Variants in ELAPOR2 observed in about 807,000 individuals in gnomAD.
The protein encoded by ELAPOR2 is endosome/lysosome-associated apoptosis and autophagy regulator family member 2.
ELAPOR2 carries 89 observed loss-of-function variants against 120.7 expected under a neutral mutation model. The ratio of observed to expected loss-of-function variants is 0.74; its 90% CI spans 0.62 to 0.88. The LOEUF is 0.88. Ranked by LOEUF, ELAPOR2 falls within the 40% of genes least tolerant of loss-of-function variation. The probability of loss-of-function intolerance (pLI) is 0.00; values close to 1 mark genes in which losing one functional copy is unlikely to be tolerated. For synonymous variants in ELAPOR2, 444 were observed against 444.9 expected, an observed-to-expected ratio of 1.00 and a Z score of 0.03; for missense variants, 1,134 against 1,251.6, an observed-to-expected ratio of 0.91 and a Z score of 1.42.
At chr7:86,988,510 G>A (rs1330831720) in intron 1 of ELAPOR2, among the ~76,000 whole-genome samples, 1 of 152,128 alleles carries the variant, frequency 6.6e-6, no homozygotes, top group East Asian at 1.9e-4. Context: ...TAGGTTACAT[G>A]CAAATACTAT....
chr7:86,922,085 A>G (rs17608771), intron 10 of ELAPOR2, among the ~76,000 whole-genome samples: 9,945 of 152,180 alleles, frequency 0.065, 481 homozygotes, highest in Middle Eastern at 0.11. Context: ...CAAAGTCAGT[A>G]GAAAACCTAG....
intron 1 of ELAPOR2, among the ~76,000 whole-genome samples, chr7:87,042,362 T>G (rs199960078): frequency 0.017 from 2,581 of 150,270 alleles, 106 homozygotes; most frequent in African/African-American, 0.056. Flanking sequence ...TACTTGGAAG[T>G]AAAGCTCTCC....
At chr7:87,026,255 C>T (rs1794240182) in intron 1 of ELAPOR2, among the ~76,000 whole-genome samples, 1 of 151,958 alleles carries the variant, frequency 6.6e-6, no homozygotes, top group Non-Finnish European at 1.5e-5. Flanking sequence ...TGGACATAAA[C>T]CTATCATTAA....
chr7:86,913,422 G>A (rs960232445), intron 13 of ELAPOR2, among the ~76,000 whole-genome samples: 12 of 152,092 alleles, frequency 7.9e-5, no homozygotes, highest in African/African-American at 2.9e-4. Context: ...ATAGTTCCAG[G>A]AGTTTTGCCA....
intron 2 of ELAPOR2, among the ~76,000 whole-genome samples, chr7:86,952,526 A>C (rs904167378): frequency 6.6e-6 from 1 of 152,190 alleles, no homozygotes; most frequent in Non-Finnish European, 1.5e-5. Flanking sequence ...CTTCATTCCT[A>C]TCCTGAACTG....
At chr7:87,007,164 T>C (rs1393662303) in intron 1 of ELAPOR2, among the ~76,000 whole-genome samples, 1 of 152,164 alleles carries the variant, frequency 6.6e-6, no homozygotes, top group East Asian at 1.9e-4. Flanking sequence ...AACTGTACAC[T>C]TAACATTTGT....
chr7:87,047,155 C>T (rs924921581), intron 1 of ELAPOR2, among the ~76,000 whole-genome samples: 3 of 152,124 alleles, frequency 2.0e-5, no homozygotes, highest in Non-Finnish European at 4.4e-5. Flanking sequence ...ATAAAACTGA[C>T]CTTGATCTCC....
chr7:87,028,631 C>T (rs578105958), intron 1 of ELAPOR2, among the ~76,000 whole-genome samples: 1 of 152,146 alleles, frequency 6.6e-6, no homozygotes, highest in Non-Finnish European at 1.5e-5. Context: ...CCCATATTTT[C>T]GTAATATCCT....
chr7:86,913,864 C>T (rs914359295), intron 13 of ELAPOR2, among the ~76,000 whole-genome samples: 8 of 152,188 alleles, frequency 5.3e-5, no homozygotes, highest in Admixed American at 2.6e-4. Flanking sequence ...GTCACTCTAT[C>T]GGTACAGAGC....
At chr7:86,883,981 A>C (rs1252134621) in intron 21 of ELAPOR2, among the ~76,000 whole-genome samples, 1 of 152,200 alleles carries the variant, frequency 6.6e-6, no homozygotes, top group Non-Finnish European at 1.5e-5. Flanking sequence ...TTTGAAACCG[A>C]ACAACAGAAA....
At chr7:87,054,019 A>G (rs1170692107) in intron 1 of ELAPOR2, among the ~76,000 whole-genome samples, 2 of 152,224 alleles carry the variant, frequency 1.3e-5, no homozygotes, top group African/African-American at 2.4e-5. Flanking sequence ...TCCATGGAGC[A>G]GGGGCCTATG....
intron 2 of ELAPOR2, among the ~76,000 whole-genome samples, chr7:86,949,267 C>T (rs1791134568): frequency 1.3e-5 from 2 of 152,192 alleles, no homozygotes; most frequent in Non-Finnish European, 2.9e-5. Flanking sequence ...TTCTATGACA[C>T]TGAGTGAGTT....
At chr7:87,035,779 C>G (rs1261160300) in intron 1 of ELAPOR2, among the ~76,000 whole-genome samples, 4 of 152,150 alleles carry the variant, frequency 2.6e-5, no homozygotes, top group Admixed American at 1.3e-4. Flanking sequence ...AAAATTTTCC[C>G]ATTCTATGCT....
chr7:86,918,096 A>G (rs563800772), intron 12 of ELAPOR2, among the ~76,000 whole-genome samples: 1 of 152,124 alleles, frequency 6.6e-6, no homozygotes, highest in East Asian at 1.9e-4. Context: ...GGATAGTTCA[A>G]ATAGCTGAAT....
chr7:87,038,545 A>G (rs186339115), intron 1 of ELAPOR2, among the ~76,000 whole-genome samples: 1 of 152,338 alleles, frequency 6.6e-6, no homozygotes, highest in East Asian at 1.9e-4. Context: ...AGGTCACAAA[A>G]TAAGTCTTAA....
intron 1 of ELAPOR2, among the ~76,000 whole-genome samples, chr7:87,024,655 G>T (rs1295385943): frequency 1.3e-5 from 2 of 152,074 alleles, no homozygotes; most frequent in African/African-American, 4.8e-5. Context: ...GCTCCTCCTT[G>T]TACCTCTGGT....
At chr7:87,016,970 T>C (rs1172124509) in intron 1 of ELAPOR2, among the ~76,000 whole-genome samples, 1 of 152,086 alleles carries the variant, frequency 6.6e-6, no homozygotes, top group Non-Finnish European at 1.5e-5. Context: ...AAAACAAGTC[T>C]TTTAGATTCC....
chr7:87,019,102 C>G (rs187789162), intron 1 of ELAPOR2, among the ~76,000 whole-genome samples: 53 of 152,218 alleles, frequency 3.5e-4, no homozygotes, highest in African/African-American at 1.3e-3. Flanking sequence ...CAAACAGCAA[C>G]ATAGAAAAAA....
intron 3 of ELAPOR2, among the ~76,000 whole-genome samples, chr7:86,946,159 TCACACACACACACACA>T (rs3223108): frequency 1.4e-5 from 2 of 146,290 alleles, no homozygotes; most frequent in Non-Finnish European, 3.0e-5. Context: ...ATACCATTTC[TCACACACACACACACA>T]CACACACACA....
Sources: allele counts gnomAD v4.1 joint callset (sites outside exome capture counted in the v4.1 genomes callset), GRCh38; gene constraint gnomAD v4.1.1; transcripts MANE v1.5; gene names NCBI Gene and HGNC (gene_info 2026-07-23, HGNC 2026-07-21).